The following OSBPL9 variants were observed in gnomAD, a reference collection of about 807,000 sequenced individuals.
OSBPL9 encodes oxysterol-binding protein-related protein 9.
Under a neutral mutation model 106.6 loss-of-function variants are expected in OSBPL9, and 40 were observed. The observed-to-expected ratio is 0.38, with a 90% CI of 0.29 to 0.49. The LOEUF (loss-of-function observed/expected upper bound fraction) is 0.49. OSBPL9 is among the 20% of genes least tolerant of loss of function. The probability of loss-of-function intolerance (pLI) is 0.97; values close to 1 mark genes in which losing one functional copy is unlikely to be tolerated. For synonymous variants in OSBPL9, 269 were observed against 295.4 expected (o/e 0.91, Z 0.92); for missense variants, 609 against 887.2 (o/e 0.69, Z 3.98).
At chr1:51,547,736 G>C in the OSBPL9 span, among the ~76,000 whole-genome samples, 1 of 152,018 alleles carries the variant, frequency 6.6e-6, no homozygotes, top group Non-Finnish European at 1.5e-5. Context: ...TGTAGTCCCA[G>C]CTACTTGGGA....
At chr1:51,548,144 A>G in the OSBPL9 span, among the ~76,000 whole-genome samples, 4 of 152,214 alleles carry the variant, frequency 2.6e-5, no homozygotes, top group African/African-American at 9.6e-5. Flanking sequence ...GGTGGTGTTC[A>G]AAAGATGTGT....
chr1:51,610,322 C>T (rs576013508), intron 2 of OSBPL9, among the ~76,000 whole-genome samples: 51 of 152,072 alleles, frequency 3.4e-4, no homozygotes, highest in South Asian at 4.2e-4. Context: ...ACTGCGGTGG[C>T]GCAATCTCTG....
At chr1:51,570,382 G>A in the OSBPL9 span, among the ~76,000 whole-genome samples, 1 of 152,136 alleles carries the variant, frequency 6.6e-6, no homozygotes, top group African/African-American at 2.4e-5. Context: ...ACTTGTGCAG[G>A]ATCACTCAAC....
intron 4 of OSBPL9, 122 bp downstream of exon 4, chr1:51,714,201 G>T: frequency 1.5e-6 from 1 of 647,742 alleles, no homozygotes. Flanking sequence ...TAATTTCTGA[G>T]TTGCTTATTT....
At chr1:51,632,657 G>A (rs1233274595) in intron 1 of OSBPL9, among the ~76,000 whole-genome samples, 1 of 118,888 alleles carries the variant, frequency 8.4e-6, no homozygotes, top group Non-Finnish European at 1.9e-5. Context: ...GAAAGCCTGC[G>A]ATGGGGGGAG....
At chr1:51,649,511 G>A (rs914655149) in intron 1 of OSBPL9, among the ~76,000 whole-genome samples, 1 of 152,068 alleles carries the variant, frequency 6.6e-6, no homozygotes, top group South Asian at 2.1e-4. Flanking sequence ...CTGTGCCTTC[G>A]CTGATGTTGT....
At chr1:51,727,707 A>C (rs991400743) in intron 4 of OSBPL9, among the ~76,000 whole-genome samples, 2 of 152,218 alleles carry the variant, frequency 1.3e-5, no homozygotes, top group African/African-American at 4.8e-5. Context: ...TATAAAGTTA[A>C]TTAAAAAGAA....
chr1:51,606,820 G>A (rs1472743521), intron 2 of OSBPL9, among the ~76,000 whole-genome samples: 1 of 152,048 alleles, frequency 6.6e-6, no homozygotes, highest in Non-Finnish European at 1.5e-5. Flanking sequence ...AGGCCAAGGC[G>A]GGCAGATCAC....
intron 2 of OSBPL9, among the ~76,000 whole-genome samples, chr1:51,608,011 G>A (rs1643960737): frequency 6.6e-6 from 1 of 152,230 alleles, no homozygotes; most frequent in Admixed American, 6.5e-5. Context: ...CTGTCCGCAT[G>A]CACACTGGCC....
At chr1:51,606,923 G>A (rs980133239) in intron 2 of OSBPL9, among the ~76,000 whole-genome samples, 3 of 151,744 alleles carry the variant, frequency 2.0e-5, no homozygotes, top group South Asian at 4.2e-4. Context: ...GGTGGCGGGC[G>A]CCTGTAGTCC....
chr1:51,776,914 G>T lies in OSBPL9; in HGVS notation c.1252G>T (p.Val418Leu). The change falls in exon 15 of 24, where the codon GTG (valine) becomes TTG (leucine). Residue 418 changes from valine (V) to leucine (L), a missense_variant. This residue lies in a region of OSBPL9 where 356 missense variants were observed against 505.8 expected (regional missense o/e 0.70). Coordinates refer to ENST00000428468, the MANE Select transcript of OSBPL9 (RefSeq NM_024586.6). ...ADFFAHPDLF[V>L]SISDQKDPKD... ...CTTTTTTGCACATCCGGACCTGTTT[G>T]TGAGGTATTTGACTGAACATGGTAG... 6.2e-7 allele frequency: 1 copy of T among 1,606,598 alleles called. No individual in the cohort carries two copies. Among genetic ancestry groups the T allele is most frequent in the Non-Finnish European group, 8.5e-7 (1 of 1,173,254 alleles).
chr1:51,699,348 C>G (rs1003478754), intron 3 of OSBPL9, among the ~76,000 whole-genome samples: 1 of 151,986 alleles, frequency 6.6e-6, no homozygotes, highest in Admixed American at 6.6e-5. Flanking sequence ...CCACATACCC[C>G]CACTTTTTTC....
At chr1:51,664,599 C>T (rs1169438345) in intron 2 of OSBPL9, among the ~76,000 whole-genome samples, 1 of 151,958 alleles carries the variant, frequency 6.6e-6, no homozygotes. Flanking sequence ...GGCTGAGGCA[C>T]AAATATCACT....
At chr1:51,752,684 C>G (rs931554354) in intron 8 of OSBPL9, 2 of 395,648 alleles carry the variant, frequency 5.1e-6, no homozygotes, top group African/African-American at 4.1e-5. Context: ...GGGTCCTTCT[C>G]TTGGCCTGTA....
chr1:51,747,553 C>CTTTTTTT (rs746109312), intron 6 of OSBPL9, among the ~76,000 whole-genome samples: 19 of 42,378 alleles, frequency 4.5e-4, no homozygotes, highest in South Asian at 1.0e-3. Flanking sequence ...CTCTCCTTGG[C>CTTTTTTT]TTTTTTTTTT....
At chr1:51,614,992 G>A (rs1644016743), upstream of OSBPL9, among the ~76,000 whole-genome samples, 1 of 152,174 alleles carries the variant, frequency 6.6e-6, no homozygotes, top group Admixed American at 6.5e-5. Flanking sequence ...CAGCGCAATG[G>A]CTCACACCTG....
intron 6 of OSBPL9, among the ~76,000 whole-genome samples, chr1:51,748,133 A>G (rs1668425061): frequency 6.6e-6 from 1 of 152,206 alleles, no homozygotes; most frequent in South Asian, 2.1e-4. Flanking sequence ...CTTAAATTGA[A>G]TCACGTGAAT....
At chr1:51,740,183 C>T (rs1177099422) in intron 4 of OSBPL9, 1 of 1,541,824 alleles carries the variant, frequency 6.5e-7, no homozygotes, top group African/African-American at 1.4e-5. Flanking sequence ...TCTGGTATCT[C>T]TCCAGTTCTT....
chr1:51,767,961 T>TTTTG (rs1305452918), intron 12 of OSBPL9, among the ~76,000 whole-genome samples: 1 of 141,172 alleles, frequency 7.1e-6, no homozygotes, highest in Non-Finnish European at 1.5e-5. Context: ...TTTTTTTTTT[T>TTTTG]TTGAGACACA....
Sources: allele counts gnomAD v4.1 joint callset (sites outside exome capture counted in the v4.1 genomes callset), GRCh38; gene constraint gnomAD v4.1.1; regional missense constraint gnomAD v4.1.1; transcripts MANE v1.5; gene names NCBI Gene and HGNC (gene_info 2026-07-23, HGNC 2026-07-21).